The following KCNAB1 variants were observed in gnomAD, a reference collection of about 807,000 sequenced individuals.
The protein encoded by KCNAB1 is voltage-gated potassium channel subunit beta-1.
A neutral mutation model predicts 64.6 loss-of-function variants in KCNAB1; 35 were observed. The observed-to-expected ratio is 0.54, with a 90% CI of 0.41 to 0.72. KCNAB1 has a LOEUF of 0.72. Among genes scored for constraint, KCNAB1 ranks in the 30% least tolerant of loss-of-function variants. The pLI is 0.00. For synonymous variants in KCNAB1, 177 were observed against 183.8 expected (o/e 0.96, Z 0.30); for missense variants, 401 against 512.9 (o/e 0.78, Z 2.11).
chr3:156,306,915 G>T (rs962775422), intron 1 of KCNAB1, among the ~76,000 whole-genome samples: 1 of 152,224 alleles, frequency 6.6e-6, no homozygotes, highest in African/African-American at 2.4e-5. Context: ...AGAATTCCCT[G>T]ACGCTGAAGA....
At chr3:156,434,324 TCTCA>T (rs1258128456) in intron 2 of KCNAB1, among the ~76,000 whole-genome samples, 1 of 152,154 alleles carries the variant, frequency 6.6e-6, no homozygotes, top group African/African-American at 2.4e-5. Flanking sequence ...ACTTGAGTAT[TCTCA>T]CTTTTACGGA....
At chr3:156,456,657 T>C (rs1432217934) in intron 3 of KCNAB1, among the ~76,000 whole-genome samples, 1 of 152,204 alleles carries the variant, frequency 6.6e-6, no homozygotes, top group African/African-American at 2.4e-5. Flanking sequence ...AAAAATCAAT[T>C]AAAATTATTT....
chr3:156,453,560 A>G (rs1183279540), intron 3 of KCNAB1, among the ~76,000 whole-genome samples: 1 of 152,218 alleles, frequency 6.6e-6, no homozygotes, highest in Non-Finnish European at 1.5e-5. Flanking sequence ...TATGGTAATT[A>G]TATTTACAAT....
intron 1 of KCNAB1, among the ~76,000 whole-genome samples, chr3:156,372,061 G>T (rs980581577): frequency 6.6e-6 from 1 of 152,088 alleles, no homozygotes; most frequent in Non-Finnish European, 1.5e-5. Flanking sequence ...TACTTGCAGC[G>T]TCTCTGGTTT....
At chr3:156,460,845 A>G (rs1712847267) in intron 5 of KCNAB1, among the ~76,000 whole-genome samples, 1 of 152,228 alleles carries the variant, frequency 6.6e-6, no homozygotes, top group African/African-American at 2.4e-5. Context: ...AAAACTAAGA[A>G]GGTGAAACAG....
chr3:156,538,597 T>C lies in KCNAB1; in HGVS notation c.*1850T>C, dbSNP rs1478497955. ...AGAGTAATAAAAGCATTTTGTGCAT[T>C]CAATCTTACAATAGATTTTATCTGA... On this transcript the variant is annotated 3_prime_UTR_variant, in exon 14 of 14. Coordinates refer to ENST00000490337, the MANE Select transcript of KCNAB1 (RefSeq NM_172160.3). 6.6e-6 allele frequency: 1 copy of C among 152,278 alleles called. No individual in the cohort carries two copies. Among genetic ancestry groups the C allele is most frequent in the African/African-American group, 2.4e-5 (1 of 41,482 alleles). The allele number at this position is 152,278 out of a possible 1,614,324, so 9.4% of individuals were successfully genotyped here.
At chr3:156,232,331 A>C (rs1716580423) in intron 1 of KCNAB1, among the ~76,000 whole-genome samples, 1 of 152,236 alleles carries the variant, frequency 6.6e-6, no homozygotes, top group Admixed American at 6.5e-5. Flanking sequence ...AATTCTGATA[A>C]ATATTAATTT....
chr3:156,457,205 A>G, intron 3 of KCNAB1: 2 of 1,281,596 alleles, frequency 1.6e-6, no homozygotes, highest in Admixed American at 3.5e-5. Flanking sequence ...ACACAAATCT[A>G]TCCACTTTGG....
At chr3:156,470,263 G>T (rs1350500038) in intron 7 of KCNAB1, among the ~76,000 whole-genome samples, 3 of 152,216 alleles carry the variant, frequency 2.0e-5, no homozygotes, top group Non-Finnish European at 4.4e-5. Flanking sequence ...GAATCACAAA[G>T]TCCCCTCAGG....
chr3:156,275,294 C>T (rs1014772324), intron 1 of KCNAB1, among the ~76,000 whole-genome samples: 1 of 152,058 alleles, frequency 6.6e-6, no homozygotes, highest in Non-Finnish European at 1.5e-5. Flanking sequence ...TTTAAAAATA[C>T]TTTATTGCTA....
intron 1 of KCNAB1, among the ~76,000 whole-genome samples, chr3:156,209,051 A>C (rs1714850537): frequency 6.6e-6 from 1 of 152,258 alleles, no homozygotes; most frequent in Non-Finnish European, 1.5e-5. Flanking sequence ...GGCGTAAGAT[A>C]CTATGTTTTT....
upstream of KCNAB1, among the ~76,000 whole-genome samples, chr3:156,118,790 T>C (rs1398284040): frequency 1.3e-5 from 2 of 152,172 alleles, no homozygotes; most frequent in South Asian, 2.1e-4. Flanking sequence ...GAGCCCCCCA[T>C]TGAAACATCT....
At chr3:156,294,036 TTTC>T (rs1317562362) in intron 1 of KCNAB1, among the ~76,000 whole-genome samples, 2 of 152,244 alleles carry the variant, frequency 1.3e-5, no homozygotes, top group African/African-American at 4.8e-5. Flanking sequence ...AGACCACTAA[TTTC>T]TTGAGGCAGA....
At chr3:156,485,456 C>T (rs1048577367) in intron 8 of KCNAB1, among the ~76,000 whole-genome samples, 16 of 152,026 alleles carry the variant, frequency 1.1e-4, no homozygotes, top group Non-Finnish European at 2.4e-4. Context: ...ATGACCATAA[C>T]ACAATCATCA....
intron 1 of KCNAB1, among the ~76,000 whole-genome samples, chr3:156,383,884 G>A (rs777150697): frequency 1.2e-4 from 19 of 152,110 alleles, no homozygotes; most frequent in Admixed American, 5.9e-4. Context: ...GCCACTTGAC[G>A]GCATCCAGGT....
intron 1 of KCNAB1, chr3:156,291,842 C>T (rs1720451984): frequency 3.1e-6 from 5 of 1,604,376 alleles, no homozygotes; most frequent in Non-Finnish European, 4.3e-6. Flanking sequence ...CCCGCAACTG[C>T]TCAACCTCTC....
chr3:156,284,604 C>T lies in KCNAB1; in HGVS notation c.276-137012C>T, dbSNP rs552423399. 4.9e-4 allele frequency among the ~76,000 whole-genome samples: 75 copies of T among 152,326 alleles called. No individual in the cohort carries two copies. The East Asian group carries it at 6.4e-3, about 13-fold the overall frequency. On this transcript the variant is annotated intron_variant, in intron 1 of 13. Coordinates refer to ENST00000490337, the MANE Select transcript of KCNAB1 (RefSeq NM_172160.3). ...TGCAGTTTGATCTCAGACTGCTGTG[C>T]TAGCAATCAGCGAGACTCCGTGGGC...
At chr3:156,215,116 T>C (rs1499054) in intron 1 of KCNAB1, among the ~76,000 whole-genome samples, 110,516 of 152,216 alleles carry the variant, frequency 0.73, 40,523 homozygotes, top group East Asian at 0.9. Context: ...TACATTATTT[T>C]ATTTAATTTT....
intron 1 of KCNAB1, among the ~76,000 whole-genome samples, chr3:156,371,457 A>G (rs1020376434): frequency 6.6e-6 from 1 of 152,200 alleles, no homozygotes; most frequent in Non-Finnish European, 1.5e-5. Context: ...TACCCTGAGC[A>G]GGCCAGTGCA....
Sources: gnomAD v4.1 joint callset for allele counts (sites outside exome capture counted in the v4.1 genomes callset) on GRCh38, gnomAD v4.1.1 for gene constraint, MANE v1.5 for transcripts, NCBI Gene and HGNC (gene_info 2026-07-23, HGNC 2026-07-21) for gene names.